Variants in DENND4C observed in about 807,000 individuals in gnomAD.
DENND4C encodes the protein DENN domain containing 4C.
A neutral mutation model predicts 203.0 loss-of-function variants in DENND4C; 108 were observed. The ratio of observed to expected loss-of-function variants is 0.53; its 90% CI spans 0.46 to 0.62. The LOEUF is 0.62. Ranked by LOEUF, DENND4C falls within the 20% of genes least tolerant of loss-of-function variation. The pLI is 0.00. For synonymous variants in DENND4C, 871 were observed against 792.4 expected (o/e 1.10, Z -1.67); for missense variants, 2,481 against 2,301.2 (o/e 1.08, Z -1.60).
At position 19,336,669 on chromosome 9, in the gene DENND4C, A is replaced by G. The variant is rs1017511533; in HGVS notation, c.2735-17A>G. Reference sequence around the variant, plus strand: ...TCAATGCATGAGTTATTGAACTGCTATTGTCCTTATCTTTAGCTCTTCAAA... The same window carrying G: ...TCAATGCATGAGTTATTGAACTGCTGTTGTCCTTATCTTTAGCTCTTCAAA... On this transcript the variant is annotated splice_polypyrimidine_tract_variant and intron_variant, in intron 19 of 32. Coordinates refer to ENST00000434457, the MANE Select transcript of DENND4C (RefSeq NM_001330640.2). 17 of 1,549,172 alleles carry G rather than the reference A, an allele frequency of 1.1e-5. No homozygotes were observed. Among genetic ancestry groups the G allele is most frequent in the Non-Finnish European group, 1.3e-5 (15 of 1,146,202 alleles).
intron 18 of DENND4C, among the ~76,000 whole-genome samples, chr9:19,335,626 G>C (rs1450038296): frequency 2.0e-5 from 3 of 151,820 alleles, no homozygotes; most frequent in Non-Finnish European, 4.4e-5. Context: ...TCTGTGCCTG[G>C]CTTATTTCAC....
chr9:19,296,563 C>G (rs903992743), intron 6 of DENND4C, among the ~76,000 whole-genome samples: 1 of 151,954 alleles, frequency 6.6e-6, no homozygotes, highest in Non-Finnish European at 1.5e-5. Context: ...CCATCTTGGC[C>G]AGGCTGGTCT....
intron 9 of DENND4C, among the ~76,000 whole-genome samples, chr9:19,304,610 C>G (rs1314533272): frequency 1.3e-5 from 2 of 151,718 alleles, no homozygotes; most frequent in African/African-American, 4.8e-5. Flanking sequence ...AGTCTCTGCT[C>G]ACTGCAAGCT....
At chr9:19,268,476 G>T (rs902842640) in intron 1 of DENND4C, among the ~76,000 whole-genome samples, 1 of 152,130 alleles carries the variant, frequency 6.6e-6, no homozygotes, top group Non-Finnish European at 1.5e-5. Flanking sequence ...CAGAATTACG[G>T]TGTTAATATT....
At chr9:19,286,730 A>ATATATC in intron 2 of DENND4C, 39 bp from the exon 3 acceptor site, 1 of 1,222,978 alleles carries the variant, frequency 8.2e-7, no homozygotes, top group Non-Finnish European at 1.0e-6. Flanking sequence ...GTGTGTATGT[A>ATATATC]TATATCTATA....
At chr9:19,344,123 T>C in intron 22 of DENND4C, among the ~76,000 whole-genome samples, 1 of 152,210 alleles carries the variant, frequency 6.6e-6, no homozygotes, top group Middle Eastern at 3.2e-3. Context: ...GAAATCAATC[T>C]TGAAGTTTAA....
chr9:19,248,849 G>GT (rs992980605), intron 1 of DENND4C, among the ~76,000 whole-genome samples: 1 of 151,406 alleles, frequency 6.6e-6, no homozygotes, highest in Non-Finnish European at 1.5e-5. Flanking sequence ...CTAGGCTGGA[G>GT]TGTAGTGGCA....
chr9:19,352,423 CAA>C (rs1386388088), intron 25 of DENND4C, 65 bp from the exon 26 acceptor site: 2 of 1,431,896 alleles, frequency 1.4e-6, no homozygotes, highest in African/African-American at 1.4e-5. Context: ...CCCATTATCT[CAA>C]GAGAATTCCT....
At chr9:19,271,202 T>C (rs4259494) in intron 1 of DENND4C, among the ~76,000 whole-genome samples, 70,658 of 115,964 alleles carry the variant, frequency 0.61, 17,716 homozygotes, top group South Asian at 0.71. Flanking sequence ...ATATGGATTC[T>C]TTTTTTTTTT....
intron 1 of DENND4C, among the ~76,000 whole-genome samples, chr9:19,271,133 A>T (rs1219235507): frequency 2.0e-5 from 3 of 152,062 alleles, no homozygotes; most frequent in Admixed American, 6.5e-5. Flanking sequence ...CAATAACCCT[A>T]ATTATTTAAT....
intron 20 of DENND4C, among the ~76,000 whole-genome samples, chr9:19,338,182 CTT>C (rs1820895848): frequency 6.6e-6 from 1 of 152,044 alleles, no homozygotes; most frequent in Non-Finnish European, 1.5e-5. Context: ...TTTTATGAAA[CTT>C]TTATTTTAAA....
intron 10 of DENND4C, among the ~76,000 whole-genome samples, chr9:19,313,162 A>T (rs1841081701): frequency 6.6e-6 from 1 of 151,884 alleles, no homozygotes; most frequent in Non-Finnish European, 1.5e-5. Context: ...TCCTTTAATG[A>T]TTCCTCTTAA....
chr9:19,257,444 A>G (rs1828272113), intron 1 of DENND4C, among the ~76,000 whole-genome samples: 1 of 152,118 alleles, frequency 6.6e-6, no homozygotes. Context: ...GCACTAAATA[A>G]CTAAATTAGA....
chr9:19,360,634 GGTAAA>G lies in DENND4C; in HGVS notation c.5406+148_5406+152del, dbSNP rs145778417. On this transcript the variant is annotated intron_variant, in intron 29 of 32. Coordinates refer to ENST00000434457, the MANE Select transcript of DENND4C (RefSeq NM_001330640.2). ...AAGTTTGGATAAGCAGTCCTGGAAT[GGTAAA>G]GTGTTAGGAACCTAAGATCCTTTTA... is the stretch of plus-strand genomic sequence containing the variant. 1.1e-3 allele frequency: 1,178 copies of G among 1,096,760 alleles called. 14 individuals are homozygous for G. The African/African-American group carries it at 0.017, about 16-fold the overall frequency. 67.9% of individuals were successfully genotyped at this position (1,096,760 alleles called of 1,614,324 possible).
intron 1 of DENND4C, among the ~76,000 whole-genome samples, chr9:19,268,825 T>C (rs551974025): frequency 2.6e-5 from 4 of 152,314 alleles, no homozygotes; most frequent in Non-Finnish European, 5.9e-5. Context: ...AGCTCCTTTG[T>C]ATGCTATGTG....
chr9:19,309,291 G>C (rs1451457600), intron 10 of DENND4C, among the ~76,000 whole-genome samples: 1 of 151,944 alleles, frequency 6.6e-6, no homozygotes, highest in African/African-American at 2.4e-5. Flanking sequence ...GCATGGTGGT[G>C]CATGCCTGTA....
Position 19,300,282 on chromosome 9 carries a change from A to T in DENND4C, c.1262A>T (p.His421Leu). 6.2e-7 allele frequency: 1 copy of T among 1,612,170 alleles called. No homozygotes were observed. Among genetic ancestry groups the T allele is most frequent in the Non-Finnish European group, 8.5e-7 (1 of 1,178,590 alleles). The change falls in exon 9 of 33, where the codon CAT (histidine) becomes CTT (leucine). Residue 421 changes from histidine (H) to leucine (L), a missense_variant. Physicochemically the swap from His to Leu is moderately conservative, Grantham distance 99. Coordinates refer to ENST00000434457, the MANE Select transcript of DENND4C (RefSeq NM_001330640.2). Reference protein sequence around the residue: ...FVLLESKILLHSLRPAVLTGV... With the variant: ...FVLLESKILLLSLRPAVLTGV... The stretch of plus-strand genomic sequence containing the variant: ...TTACTTGAGAGTAAAATTCTGCTGC[A>T]TTCTCTTAGGCCAGCTGTCTTGACT...
At chr9:19,256,316 T>G (rs1405295179) in intron 1 of DENND4C, among the ~76,000 whole-genome samples, 5 of 120,082 alleles carry the variant, frequency 4.2e-5, no homozygotes, top group South Asian at 2.4e-4. Context: ...TTTGTTTTTT[T>G]TTTTTTTTTT....
Position 19,305,335 on chromosome 9 carries a change from T to G in DENND4C, c.1312-17T>G. The G allele has an allele frequency of 6.4e-7, 1 of 1,574,584 alleles. No homozygotes were observed. The highest frequency in any genetic ancestry group is 8.6e-7 in the Non-Finnish European group (1 of 1,161,628). ...CAAATTTAAAATTTGGTTAATTTTTTAAAACTTTTTCCCCAGATGATCTTT... is the reference window on the plus strand; with the variant it reads ...CAAATTTAAAATTTGGTTAATTTTTGAAAACTTTTTCCCCAGATGATCTTT... On this transcript the variant is annotated splice_polypyrimidine_tract_variant and intron_variant, in intron 9 of 32. Transcript: ENST00000434457.
Sources: allele counts gnomAD v4.1 joint callset (sites outside exome capture counted in the v4.1 genomes callset), GRCh38; gene constraint gnomAD v4.1.1; transcripts MANE v1.5; gene names NCBI Gene and HGNC (gene_info 2026-07-23, HGNC 2026-07-21).